Variants in LRRC69 observed in about 807,000 individuals in gnomAD.
LRRC69 encodes leucine rich repeat containing 69.
LRRC69 carries 42 observed loss-of-function variants against 37.8 expected under a neutral mutation model. That is an observed-to-expected ratio of 1.11 (90% confidence interval 0.87 to 1.44). The LOEUF (loss-of-function observed/expected upper bound fraction) is 1.44. LRRC69 is among the 40% of genes most tolerant of loss of function. The pLI is 0.00. For synonymous variants in LRRC69, 141 were observed against 143.1 expected, an observed-to-expected ratio of 0.99 and a Z score of 0.11; for missense variants, 357 against 401.9, an observed-to-expected ratio of 0.89 and a Z score of 0.96.
intron 5 of LRRC69, chr8:91,139,017 C>T (rs1808477064): frequency 6.6e-6 from 1 of 151,384 alleles, no homozygotes; most frequent in Non-Finnish European, 1.5e-5. Context: ...AGATCATACT[C>T]CAGCCTGGGC....
chr8:91,129,687 A>G (rs1267061990), intron 3 of LRRC69, among the ~76,000 whole-genome samples: 1 of 151,938 alleles, frequency 6.6e-6, no homozygotes, highest in African/African-American at 2.4e-5. Context: ...TTATACTGCA[A>G]AGAACTTCAC....
intron 1 of LRRC69, among the ~76,000 whole-genome samples, chr8:91,120,018 A>G (rs1462738047): frequency 6.6e-6 from 1 of 150,926 alleles, no homozygotes; most frequent in Non-Finnish European, 1.5e-5. Flanking sequence ...AAGCTATACT[A>G]TCATTTATCT....
chr8:91,189,550 A>T lies in LRRC69; in HGVS notation c.680A>T (p.Tyr227Phe). The T allele has an allele frequency of 3.2e-6, 5 of 1,551,052 alleles. No individual in the cohort carries two copies. The African/African-American group carries it at 5.5e-5, about 17-fold the overall frequency. Residue 227 changes from tyrosine to phenylalanine, a missense_variant, in exon 6 of 8, where the codon TAC becomes TTC. By Grantham distance (22) the Tyr-to-Phe change is conservative. Coordinates refer to ENST00000448384, the Ensembl canonical transcript of LRRC69. ...CAGGATCTGAAGCTGAGGGAATTCT[A>T]CTGTGAGGGAAACCCACTGTTCCTG...
In LRRC69 at chr8:91,117,531, T is replaced by C. The variant is rs148809903; in HGVS notation, c.184-6962T>C. On this transcript the variant is annotated intron_variant, in intron 1 of 7. Transcript: ENST00000448384. ...AATTTAGAGTGATCCACTGGAGTTA[T>C]CTTAGAAGCCGAAACTAACAAGATC... Among the ~76,000 whole-genome samples the C allele has an allele frequency of 6.1e-4, 92 of 151,406 alleles. 1 individual carries two copies. In the East Asian group the frequency reaches 0.015, roughly 25 times the overall value.
intron 5 of LRRC69, among the ~76,000 whole-genome samples, chr8:91,144,617 T>G (rs2130534430): frequency 6.6e-6 from 1 of 152,108 alleles, no homozygotes; most frequent in South Asian, 2.1e-4. Flanking sequence ...CTACTTATCC[T>G]GACGTCTCTT....
At chr8:91,207,644 G>A (rs1484310716) in intron 7 of LRRC69, among the ~76,000 whole-genome samples, 1 of 152,180 alleles carries the variant, frequency 6.6e-6, no homozygotes, top group Non-Finnish European at 1.5e-5. Flanking sequence ...AATAGATAAA[G>A]AACTAGTGGA....
intron 5 of LRRC69, among the ~76,000 whole-genome samples, chr8:91,160,298 T>C (rs1405751366): frequency 6.6e-6 from 1 of 150,746 alleles, no homozygotes; most frequent in Non-Finnish European, 1.5e-5. Flanking sequence ...CTTTAGTTTT[T>C]TGTTTTTTTT....
intron 5 of LRRC69, among the ~76,000 whole-genome samples, chr8:91,162,216 G>A (rs1488614266): frequency 4.6e-5 from 7 of 151,554 alleles, no homozygotes; most frequent in Non-Finnish European, 1.0e-4. Flanking sequence ...AAAGAAGAAT[G>A]TGTATTCTGC....
rs974927900 is a variant in LRRC69 at position 91,178,197 on chromosome 8, T to G, written c.652-11325T>G. ...TCTTGTGCTTTATGTTTATCGGATT[T>G]CTGCGATGGATAAAATATGATGATA... On this transcript the variant is annotated intron_variant, in intron 5 of 7. Transcript: ENST00000448384. 5.3e-5 allele frequency among the ~76,000 whole-genome samples: 8 copies of G among 152,322 alleles called. No individual in the cohort carries two copies. In the East Asian group the frequency reaches 1.5e-3, roughly 29 times the overall value.
chr8:91,191,982 C>A (rs1809504763), intron 6 of LRRC69, among the ~76,000 whole-genome samples: 1 of 145,056 alleles, frequency 6.9e-6, no homozygotes, highest in Non-Finnish European at 1.5e-5. Flanking sequence ...TCTCCCAATG[C>A]TATCCCTCCC....
intron 1 of LRRC69, among the ~76,000 whole-genome samples, chr8:91,107,129 A>G (rs554233137): frequency 4.5e-4 from 66 of 147,108 alleles, no homozygotes; most frequent in African/African-American, 1.6e-3. Flanking sequence ...TATTATTATT[A>G]TTATTGTTAT....
At chr8:91,133,035 C>A in intron 3 of LRRC69, 75 bp from the exon 4 acceptor site, 1 of 818,486 alleles carries the variant, frequency 1.2e-6, no homozygotes, top group Non-Finnish European at 1.8e-6. Flanking sequence ...ATGGCTTCTG[C>A]TAAGTTGGGC....
chr8:91,151,622 A>G (rs1808739362), intron 5 of LRRC69, among the ~76,000 whole-genome samples: 1 of 151,652 alleles, frequency 6.6e-6, no homozygotes, highest in Non-Finnish European at 1.5e-5. Flanking sequence ...ATGTATCTTT[A>G]TAATAGAATG....
At chr8:91,206,763 T>C (rs1408688300) in intron 7 of LRRC69, 11 of 1,289,786 alleles carry the variant, frequency 8.5e-6, no homozygotes, top group Non-Finnish European at 1.1e-5. Context: ...GGTGCTCTGC[T>C]AAATATGTCA....
intron 4 of LRRC69, among the ~76,000 whole-genome samples, chr8:91,135,378 G>T (rs1563600048): frequency 2.0e-5 from 3 of 152,022 alleles, no homozygotes; most frequent in African/African-American, 7.2e-5. Context: ...TAAGAAATTT[G>T]CCCATAGTTA....
At chr8:91,146,662 A>T (rs1457493285) in intron 5 of LRRC69, among the ~76,000 whole-genome samples, 2 of 151,784 alleles carry the variant, frequency 1.3e-5, no homozygotes, top group Non-Finnish European at 2.9e-5. Context: ...TACAGAAAGG[A>T]TGGGTAGATG....
At chr8:91,205,066 C>A (rs1052630678) in intron 7 of LRRC69, among the ~76,000 whole-genome samples, 2 of 152,106 alleles carry the variant, frequency 1.3e-5, no homozygotes, top group African/African-American at 2.4e-5. Context: ...GATATTGACA[C>A]AAGCCAAGAA....
chr8:91,158,540 T>C, intron 5 of LRRC69: 2 of 1,147,882 alleles, frequency 1.7e-6, no homozygotes, highest in Non-Finnish European at 1.3e-6. Flanking sequence ...ACTTACACAC[T>C]GTACATTTTC....
intron 3 of LRRC69, among the ~76,000 whole-genome samples, chr8:91,129,559 G>T (rs936567845): frequency 6.6e-6 from 1 of 151,802 alleles, no homozygotes; most frequent in African/African-American, 2.4e-5. Context: ...CAATAAAAAT[G>T]ATAATAAAAA....
Sources: allele counts gnomAD v4.1 joint callset (sites outside exome capture counted in the v4.1 genomes callset), GRCh38; gene constraint gnomAD v4.1.1; transcripts MANE v1.5; gene names NCBI Gene and HGNC (gene_info 2026-07-23, HGNC 2026-07-21).